Variants in RPS26 observed in about 807,000 individuals in gnomAD.
RPS26 encodes the protein small ribosomal subunit protein eS26.
A neutral mutation model predicts 14.7 loss-of-function variants in RPS26; 1 was observed. That is an observed-to-expected ratio of 0.07 (90% CI 0.02 to 0.32). The LOEUF (loss-of-function observed/expected upper bound fraction) is 0.32, where lower values mean the gene tolerates loss of function less well. Ranked by LOEUF, RPS26 falls within the 10% of genes least tolerant of loss-of-function variation. RPS26 has a pLI of 1.00. For missense variants in RPS26, 63 were observed against 157.7 expected (o/e 0.40, Z 3.22); for synonymous variants, 59 against 53.1 (o/e 1.11, Z -0.48).
intron 2 of RPS26, 92 bp from the exon 3 acceptor site, chr12:56,043,271 T>C (rs950201549): frequency 1.1e-5 from 14 of 1,265,312 alleles, no homozygotes; most frequent in Non-Finnish European, 1.4e-5. Flanking sequence ...TTAGTTTTAA[T>C]TGACGTAAAC....
chr12:56,042,553 A>C lies in RPS26; in HGVS notation c.132A>C (p.Ile44=), dbSNP rs751975827. The C allele has an allele frequency of 1.2e-6, 2 of 1,600,016 alleles. No homozygotes were observed. The highest frequency in any genetic ancestry group is 1.7e-6 in the Non-Finnish European group (2 of 1,179,494). Residue 44 remains isoleucine (I), a synonymous_variant, in exon 2 of 4, where the codon ATA becomes ATC. Coordinates refer to ENST00000646449, the MANE Select transcript of RPS26 (RefSeq NM_001029.5). The part of the protein sequence containing the change: ...KAIKKFVIRN[I]VEAAAVRDIS... ...TTAAGAAATTCGTCATTCGAAACAT[A>C]GTGGAGGCCGCAGCAGTCAGGGACA... is the stretch of plus-strand genomic sequence containing the variant.
At chr12:56,044,001 C>T in intron 3 of RPS26, 118 bp from the exon 4 acceptor site, 1 of 879,234 alleles carries the variant, frequency 1.1e-6, no homozygotes, top group Non-Finnish European at 2.0e-6. Context: ...TATCAGCTTC[C>T]CATGCATTTG....
chr12:56,044,354 T>TC lies in RPS26; in HGVS notation c.*200_*201insC, dbSNP rs1194292592. ...GTAATTTAATTTTTTTCTTTTTTTT[T>TC]TTTTTTTTTTTGAGACGGAGTCTTT... On this transcript the variant is annotated 3_prime_UTR_variant, in exon 4 of 4. Transcript: ENST00000646449. The TC allele has an allele frequency of 9.7e-6, 4 of 413,458 alleles. 1 individual carries two copies. Among genetic ancestry groups the TC allele is most frequent in the Admixed American group, 5.7e-5 (1 of 17,462 alleles). 25.6% of individuals were successfully genotyped at this position (413,458 alleles called of 1,614,324 possible).
At chr12:56,043,208 T>A (rs1166310881) in intron 2 of RPS26, 155 bp from the exon 3 acceptor site, 1 of 696,406 alleles carries the variant, frequency 1.4e-6, no homozygotes, top group South Asian at 1.5e-5. Context: ...GGTATTGGGC[T>A]GAACAGGTGC....
intron 3 of RPS26, among the ~76,000 whole-genome samples, chr12:56,043,760 A>G (rs1042578337): frequency 2.0e-5 from 3 of 151,842 alleles, no homozygotes; most frequent in Admixed American, 1.3e-4. Context: ...GCAGTGAGCT[A>G]TGATTATACC....
At chr12:56,043,289 G>A (rs1184738260) in intron 2 of RPS26, 74 bp from the exon 3 acceptor site, 7 of 1,364,884 alleles carry the variant, frequency 5.1e-6, no homozygotes, top group Non-Finnish European at 6.3e-6. Flanking sequence ...AACATGTAAG[G>A]TGCTCTTCAT....
chr12:56,042,600 A>G lies in RPS26; in HGVS notation c.179A>G (p.Asp60Gly). 1 of 1,598,434 alleles carries G rather than the reference A, an allele frequency of 6.3e-7. No individual in the cohort carries two copies. Among genetic ancestry groups the G allele is most frequent in the Non-Finnish European group, 8.5e-7 (1 of 1,179,636 alleles). Residue 60 changes from aspartate (D) to glycine (G), a missense_variant and splice_region_variant, in exon 2 of 4, where the codon GAT (aspartate) becomes GGT (glycine). By Grantham distance (94) the Asp-to-Gly change is moderately conservative (BLOSUM62 -1). Transcript: ENST00000646449. ...VRDISEASVF[D>G]AYVLPKLYVK... ...GACATTTCTGAAGCGAGCGTCTTCG[A>G]TGGTAAGTGGGTCACCGGCGCGAAC...
Position 56,044,289 on chromosome 12 carries a change from G to A in RPS26, c.*135G>A. On this transcript the variant is annotated 3_prime_UTR_variant, in exon 4 of 4. Coordinates refer to ENST00000646449, the MANE Select transcript of RPS26 (RefSeq NM_001029.5). ...TTTTGTGTGTTAGACCAAGTGTGAA[G>A]TGACACACATTATTTTCATGGGGAA... is the stretch of plus-strand genomic sequence containing the variant. The A allele has an allele frequency of 1.5e-6, 1 of 669,972 alleles. No individual in the cohort carries two copies. The highest frequency in any genetic ancestry group is 2.7e-6 in the Non-Finnish European group (1 of 370,086). The allele number at this position is 669,972 out of a possible 1,614,324, so 41.5% of individuals were successfully genotyped here. A position where few individuals can be genotyped will look rare whatever the true frequency, so the allele number is the denominator to read the frequency against.
Position 56,043,360 on chromosome 12 carries a change from T to C in RPS26, c.182-3T>C. On this transcript the variant is annotated splice_polypyrimidine_tract_variant and splice_region_variant and intron_variant, in intron 2 of 3. Coordinates refer to ENST00000646449, the MANE Select transcript of RPS26 (RefSeq NM_001029.5). Reference sequence around the variant, plus strand: ...CAGTATAACTCTATTTTCTATTCCTTAGCCTATGTGCTTCCCAAGCTGTAT... The same window carrying C: ...CAGTATAACTCTATTTTCTATTCCTCAGCCTATGTGCTTCCCAAGCTGTAT... 2 of 1,611,512 alleles carry C rather than the reference T, an allele frequency of 1.2e-6. No homozygotes were observed. The highest frequency in any genetic ancestry group is 1.7e-6 in the Non-Finnish European group (2 of 1,179,380).
At chr12:56,044,024 A>G (rs1565846055) in intron 3 of RPS26, 95 bp from the exon 4 acceptor site, 9 of 1,028,854 alleles carry the variant, frequency 8.7e-6, no homozygotes, top group South Asian at 7.6e-5. Flanking sequence ...GCCTGAATAC[A>G]TCAGTTTGTG....
At position 56,042,068 on chromosome 12, in the gene RPS26, C is replaced by T. The variant is rs879246086; in HGVS notation, c.-99C>T. On this transcript the variant is annotated 5_prime_UTR_variant, in exon 1 of 4. Transcript: ENST00000646449. Reference sequence around the variant, plus strand: ...AAAGTGAGTTGCCGTTCTTGAAGCCCGTCTCCTAAGGATTCTCCCGGTGTC... The same window carrying T: ...AAAGTGAGTTGCCGTTCTTGAAGCCTGTCTCCTAAGGATTCTCCCGGTGTC... 5.6e-6 allele frequency: 7 copies of T among 1,252,214 alleles called. No homozygotes were observed. In the South Asian group the frequency reaches 7.2e-5, roughly 13 times the overall value. The allele number at this position is 1,252,214 out of a possible 1,614,324, so 77.6% of individuals were successfully genotyped here. A position where few individuals can be genotyped will look rare whatever the true frequency, so the allele number is the denominator to read the frequency against.
chr12:56,042,326 G>A (rs1258539983), intron 1 of RPS26, 99 bp from the exon 2 acceptor site: 10 of 1,524,206 alleles, frequency 6.6e-6, no homozygotes, highest in Non-Finnish European at 9.1e-6. Context: ...GATCCGAGCG[G>A]CGCCTTCCTG....
chr12:56,042,111 C>CTATAGCA lies in RPS26; in HGVS notation c.-52_-51insGCATATA. 3.8e-6 allele frequency: 6 copies of CTATAGCA among 1,590,026 alleles called. No individual in the cohort carries two copies. The highest frequency in any genetic ancestry group is 5.2e-6 in the Non-Finnish European group (6 of 1,158,030). On this transcript the variant is annotated 5_prime_UTR_variant, in exon 1 of 4. It introduces an in-frame stop codon into an upstream open reading frame of the 5' UTR. Coordinates refer to ENST00000646449, the MANE Select transcript of RPS26 (RefSeq NM_001029.5). The stretch of plus-strand genomic sequence containing the variant: ...CCGGTGTCCGCGTAGGGATCTCATG[C>CTATAGCA]TATATAGGAGGGCCCTGCCAGGCAC...
chr12:56,042,173 A>T lies in RPS26; in HGVS notation c.3+4A>T, dbSNP rs201248213. On this transcript the variant is annotated splice_donor_region_variant and intron_variant, in intron 1 of 3. Coordinates refer to ENST00000646449, the MANE Select transcript of RPS26 (RefSeq NM_001029.5). The stretch of plus-strand genomic sequence containing the variant: ...TCCGGTCCGTGCCTCCAAGATGGTG[A>T]GTCTTCTTGCGTGGTGAGGGTGGGG... The T allele has an allele frequency of 1.2e-6, 2 of 1,613,926 alleles. No individual in the cohort carries two copies. Among genetic ancestry groups the T allele is most frequent in the Non-Finnish European group, 1.7e-6 (2 of 1,179,986 alleles).
In RPS26 at chr12:56,042,157, T is replaced by A. The variant is rs753627670; in HGVS notation, c.-10T>A. ...GGCACCGTCTCCTCTCTCCGGTCCGTGCCTCCAAGATGGTGAGTCTTCTTG... is the reference window on the plus strand; with the variant it reads ...GGCACCGTCTCCTCTCTCCGGTCCGAGCCTCCAAGATGGTGAGTCTTCTTG... On this transcript the variant is annotated 5_prime_UTR_variant, in exon 1 of 4. Transcript: ENST00000646449. The A allele has an allele frequency of 5.6e-6, 9 of 1,613,996 alleles. No homozygotes were observed. The highest frequency in any genetic ancestry group is 1.7e-5 in the Admixed American group (1 of 59,972).
At chr12:56,043,535 G>T in intron 3 of RPS26, 42 bp downstream of exon 3, 1 of 1,611,304 alleles carries the variant, frequency 6.2e-7, no homozygotes, top group Non-Finnish European at 8.5e-7. Context: ...GGGAGTGATG[G>T]TTAAAATTTC....
rs368863677 is a variant in RPS26 at position 56,042,179 on chromosome 12, C to G, written c.3+10C>G. ...CCGTGCCTCCAAGATGGTGAGTCTTCTTGCGTGGTGAGGGTGGGGGTTCGG... is the reference window on the plus strand; with the variant it reads ...CCGTGCCTCCAAGATGGTGAGTCTTGTTGCGTGGTGAGGGTGGGGGTTCGG... On this transcript the variant is annotated intron_variant, in intron 1 of 3. Coordinates refer to ENST00000646449, the MANE Select transcript of RPS26 (RefSeq NM_001029.5). 1.9e-6 allele frequency: 3 copies of G among 1,614,038 alleles called. No homozygotes were observed. Among genetic ancestry groups the G allele is most frequent in the Middle Eastern group, 1.6e-4 (1 of 6,062 alleles).
intron 1 of RPS26, 101 bp from the exon 2 acceptor site, chr12:56,042,324 C>T (rs970586342): frequency 1.2e-4 from 174 of 1,512,608 alleles, no homozygotes; most frequent in Non-Finnish European, 1.4e-4. Flanking sequence ...GAGATCCGAG[C>T]GGCGCCTTCC....
At chr12:56,042,702 G>C (rs1300273390) in intron 2 of RPS26, 100 bp downstream of exon 2, 1 of 956,050 alleles carries the variant, frequency 1.0e-6, no homozygotes. Context: ...GAGCCTCTCA[G>C]GCAATTTCCA....
Sources: allele counts gnomAD v4.1 joint callset (sites outside exome capture counted in the v4.1 genomes callset), GRCh38; gene constraint gnomAD v4.1.1; transcripts MANE v1.5; gene names NCBI Gene and HGNC (gene_info 2026-07-23, HGNC 2026-07-21).